USP8: variants seen among roughly 807,000 people sequenced by gnomAD.
The protein encoded by USP8 is ubiquitin specific peptidase 8, also known as ubiquitin carboxyl-terminal hydrolase 8.
In USP8, 27 loss-of-function variants were observed where a neutral mutation model predicts 130.0. The ratio of observed to expected loss-of-function variants is 0.21; its 90% CI spans 0.15 to 0.29. USP8 has a LOEUF of 0.29. Ranked by LOEUF, USP8 falls within the 10% of genes least tolerant of loss-of-function variation. The pLI is 1.00. For synonymous variants in USP8, 392 were observed against 444.1 expected (o/e 0.88, Z 1.48); for missense variants, 1,029 against 1,312.2 (o/e 0.78, Z 3.33).
At chr15:50,433,795 C>A (rs62016948) in intron 1 of USP8, among the ~76,000 whole-genome samples, 54 of 151,658 alleles carry the variant, frequency 3.6e-4, no homozygotes, top group Admixed American at 1.2e-3. Flanking sequence ...TTAGTAGAGA[C>A]GGGGTTTCAC....
At position 50,490,483 on chromosome 15, in the gene USP8, A is replaced by G. The variant is rs2052120203; in HGVS notation, c.2192A>G (p.Lys731Arg). Residue 731 changes from lysine (K) to arginine (R), a missense_variant, in exon 14 of 20, where the codon AAG (lysine) becomes AGG (arginine). By Grantham distance (26) the Lys-to-Arg change is conservative. Around this residue, in one of 4 missense-constraint regions of USP8, gnomAD observed 486 missense variants for 522.0 expected, o/e 0.93. Coordinates refer to ENST00000307179, the MANE Select transcript of USP8 (RefSeq NM_005154.5). ...ACCCAGGCTATTCAAGAGGAAGAGA[A>G]GAGGAAGCCAACAGTAACTCCAACA... is the stretch of plus-strand genomic sequence containing the variant. ...DITQAIQEEE[K>R]RKPTVTPTVN... 6.2e-7 allele frequency: 1 copy of G among 1,614,192 alleles called. No homozygotes were observed. Among genetic ancestry groups the G allele is most frequent in the South Asian group, 1.1e-5 (1 of 91,082 alleles).
intron 7 of USP8, among the ~76,000 whole-genome samples, chr15:50,468,488 C>T (rs556153347): frequency 9.2e-5 from 14 of 152,134 alleles, no homozygotes; most frequent in African/African-American, 2.7e-4. Flanking sequence ...AGTGATCCAC[C>T]GGCATCGGCT....
At chr15:50,489,459 T>TG (rs1323223375) in intron 12 of USP8, 1 of 156,256 alleles carries the variant, frequency 6.4e-6, no homozygotes, top group African/African-American at 2.4e-5. Context: ...TACCTTGAGA[T>TG]GCAAAATTAA....
At chr15:50,449,033 T>A (rs1341578770) in intron 3 of USP8, among the ~76,000 whole-genome samples, 1 of 152,314 alleles carries the variant, frequency 6.6e-6, no homozygotes, top group Non-Finnish European at 1.5e-5. Flanking sequence ...TTTGCTTTAT[T>A]GTGAGACTGG....
At chr15:50,455,538 G>A (rs531484977) in intron 4 of USP8, among the ~76,000 whole-genome samples, 76 of 152,284 alleles carry the variant, frequency 5.0e-4, no homozygotes, top group South Asian at 2.7e-3. Context: ...CATCATCTTA[G>A]AGTCAGTGTG....
intron 6 of USP8, among the ~76,000 whole-genome samples, chr15:50,464,296 A>G (rs1368459222): frequency 6.6e-6 from 1 of 152,226 alleles, no homozygotes; most frequent in Non-Finnish European, 1.5e-5. Context: ...GTTTTTCAAA[A>G]AGCTACCGTA....
chr15:50,429,801 CAT>C (rs1422727101), intron 1 of USP8, among the ~76,000 whole-genome samples: 2 of 152,182 alleles, frequency 1.3e-5, no homozygotes, highest in Non-Finnish European at 2.9e-5. Context: ...CTGATTCTAA[CAT>C]ACAGCTGGGA....
chr15:50,513,661 G>T lies in USP8; in HGVS notation c.*14573G>T, dbSNP rs2052769429. The T allele has an allele frequency of 6.6e-6, 1 of 152,024 alleles. No homozygotes were observed. Among genetic ancestry groups the T allele is most frequent in the Non-Finnish European group, 1.5e-5 (1 of 68,014 alleles). The allele number at this position is 152,024 out of a possible 1,614,324, so 9.4% of individuals were successfully genotyped here. ...GAAAAAGAATAAAAGACTTGTTTAG[G>T]CATTTCACAAAAGAAAGTATACAAA... is the stretch of plus-strand genomic sequence containing the variant. On this transcript the variant is annotated 3_prime_UTR_variant, in exon 20 of 20. Transcript: ENST00000307179.
At chr15:50,427,138 C>T (rs1567590454) in intron 1 of USP8, among the ~76,000 whole-genome samples, 1 of 151,962 alleles carries the variant, frequency 6.6e-6, no homozygotes, top group African/African-American at 2.4e-5. Flanking sequence ...GGGGTTTCAC[C>T]ATGTTGGCCA....
chr15:50,493,798 C>G, intron 15 of USP8: 1 of 576,850 alleles, frequency 1.7e-6, no homozygotes, highest in Non-Finnish European at 3.2e-6. Context: ...AGGATGAGAG[C>G]AGTGCCAGAA....
intron 3 of USP8, among the ~76,000 whole-genome samples, chr15:50,444,806 G>T (rs2050371892): frequency 6.6e-6 from 1 of 152,112 alleles, no homozygotes; most frequent in Non-Finnish European, 1.5e-5. Flanking sequence ...ACCCAGGTTG[G>T]AGTGCGGTGG....
At chr15:50,453,990 G>C (rs985092878) in intron 4 of USP8, among the ~76,000 whole-genome samples, 4 of 147,742 alleles carry the variant, frequency 2.7e-5, no homozygotes, top group Middle Eastern at 3.5e-3. Context: ...GCCTCCCCAA[G>C]TAGCTGGGAC....
chr15:50,427,455 G>T (rs2049775071), intron 1 of USP8, among the ~76,000 whole-genome samples: 1 of 151,970 alleles, frequency 6.6e-6, no homozygotes, highest in African/African-American at 2.4e-5. Flanking sequence ...TTAATAAATG[G>T]AAAGTAAGGC....
rs893303973 is a variant in USP8, at chr15:50,500,890, T to G, written c.*1802T>G. 41 of 1,381,064 alleles carry G rather than the reference T, an allele frequency of 3.0e-5. No individual in the cohort carries two copies. In the Middle Eastern group the frequency reaches 5.3e-4, roughly 18 times the overall value. 85.6% of individuals were successfully genotyped at this position (1,381,064 alleles called of 1,614,324 possible). On this transcript the variant is annotated 3_prime_UTR_variant, in exon 20 of 20. Coordinates refer to ENST00000307179, the MANE Select transcript of USP8 (RefSeq NM_005154.5). ...GTATTCACATATGAACACTAACTAC[T>G]GGAACAGAAATGATAGGGCCAAGAG...
chr15:50,441,729 A>G lies in USP8; in HGVS notation c.249+236A>G, dbSNP rs200711808. The stretch of plus-strand genomic sequence containing the variant: ...TGGATTAGTACAAGTTTATAGCAAC[A>G]TACAGATTCATAATTTTTTTCTGAG... On this transcript the variant is annotated intron_variant, in intron 3 of 19. Transcript: ENST00000307179. Among the ~76,000 whole-genome samples the G allele has an allele frequency of 5.1e-4, 78 of 152,302 alleles. No homozygotes were observed. In the East Asian group the frequency reaches 9.8e-3, roughly 19 times the overall value.
intron 2 of USP8, 55 bp from the exon 3 acceptor site, chr15:50,441,294 G>C: frequency 6.7e-7 from 1 of 1,498,196 alleles, no homozygotes; most frequent in Non-Finnish European, 8.9e-7. Context: ...TATATGACCT[G>C]TATTTTTTCC....
At chr15:50,485,701 T>C (rs1337349787) in intron 12 of USP8, among the ~76,000 whole-genome samples, 1 of 151,850 alleles carries the variant, frequency 6.6e-6, no homozygotes, top group Non-Finnish European at 1.5e-5. Flanking sequence ...CTGAGTCTAC[T>C]CTGTCTCCAT....
chr15:50,460,892 C>G (rs775879927), intron 5 of USP8, among the ~76,000 whole-genome samples: 11 of 152,028 alleles, frequency 7.2e-5, no homozygotes, highest in Non-Finnish European at 1.5e-4. Flanking sequence ...TGTGGTGGCT[C>G]ACACCTGTAA....
intron 5 of USP8, among the ~76,000 whole-genome samples, chr15:50,461,097 A>G (rs2050983399): frequency 1.3e-5 from 2 of 151,930 alleles, no homozygotes; most frequent in Admixed American, 1.3e-4. Flanking sequence ...GGTTGAAGCA[A>G]TTCTCCTCCC....
Sources: gnomAD v4.1 joint callset for allele counts (sites outside exome capture counted in the v4.1 genomes callset) on GRCh38, gnomAD v4.1.1 for gene constraint, gnomAD v4.1.1 regional missense constraint, MANE v1.5 for transcripts, NCBI Gene and HGNC (gene_info 2026-07-23, HGNC 2026-07-21) for gene names.